GTF3C3: variants seen among roughly 807,000 people sequenced by gnomAD.
GTF3C3 encodes general transcription factor 3C polypeptide 3.
A neutral mutation model predicts 105.2 loss-of-function variants in GTF3C3; 75 were observed. The observed-to-expected ratio is 0.71, with a 90% CI of 0.59 to 0.86. The LOEUF (loss-of-function observed/expected upper bound fraction) is 0.86, where lower values mean the gene tolerates loss of function less well. GTF3C3 is among the 40% of genes least tolerant of loss of function. The probability of loss-of-function intolerance (pLI) is 0.00; values close to 1 mark genes in which losing one functional copy is unlikely to be tolerated. For missense variants in GTF3C3, 856 were observed against 1,076.5 expected (o/e 0.80, Z 2.87); for synonymous variants, 335 against 370.4 (o/e 0.90, Z 1.10).
chr2:196,792,862 C>T, intron 3 of GTF3C3, 94 bp downstream of exon 3: 1 of 761,020 alleles, frequency 1.3e-6, no homozygotes, highest in Non-Finnish European at 2.3e-6. Flanking sequence ...TCCTTTCGTA[C>T]AGTTTGAATT....
chr2:196,796,134 A>G (rs1699639174), intron 2 of GTF3C3, among the ~76,000 whole-genome samples: 1 of 152,212 alleles, frequency 6.6e-6, no homozygotes, highest in African/African-American at 2.4e-5. Flanking sequence ...CTTGTTCAAA[A>G]CTGACCCCTT....
intron 16 of GTF3C3, chr2:196,767,111 G>A (rs1699081526): frequency 6.5e-6 from 1 of 153,780 alleles, no homozygotes; most frequent in Admixed American, 6.5e-5. Flanking sequence ...ATGTACAAAG[G>A]TTTCCTCTCA....
chr2:196,790,634 G>A (rs887675414), intron 4 of GTF3C3, among the ~76,000 whole-genome samples: 2 of 152,100 alleles, frequency 1.3e-5, no homozygotes, highest in Admixed American at 1.3e-4. Flanking sequence ...AAATAATATT[G>A]GAAAGTAGGA....
intron 8 of GTF3C3, among the ~76,000 whole-genome samples, chr2:196,784,604 A>G (rs922617850): frequency 6.6e-6 from 1 of 152,200 alleles, no homozygotes; most frequent in Non-Finnish European, 1.5e-5. Flanking sequence ...AAAGGAATGA[A>G]AAAGACTGTC....
Position 196,776,799 on chromosome 2 carries a change from TAATA to T in GTF3C3, c.1391-174_1391-171del, listed in dbSNP as rs1029676016. Among the ~76,000 whole-genome samples the T allele has an allele frequency of 6.6e-6, 1 of 152,242 alleles. No individual in the cohort carries two copies. Among genetic ancestry groups the T allele is most frequent in the Admixed American group, 6.5e-5 (1 of 15,288 alleles). On this transcript the variant is annotated intron_variant, in intron 10 of 17. Coordinates refer to ENST00000263956, the MANE Select transcript of GTF3C3 (RefSeq NM_012086.5). The surrounding 1 kb of genome is among the most constrained non-coding windows in gnomAD (Gnocchi z 4.5). ...CCTAATCTCTATTAATCAATCGATC[TAATA>T]AATTTAAATTGCTAAGGAGTAATCA... is the stretch of plus-strand genomic sequence containing the variant.
rs1199449341 is a variant in GTF3C3, at chr2:196,772,991, C to T, written c.1994G>A (p.Arg665His). ...YYSFYDDRQK[R>H]KELEYFGLSA... is the part of the protein sequence containing the mutation. The stretch of plus-strand genomic sequence containing the variant: ...CAGACCAAAGTATTCTAGTTCTTTG[C>T]GTTTTTGCCTGTCATCATAAAATGA... Residue 665 changes from arginine (R) to histidine (H), a missense_variant, in exon 14 of 18, where the codon CGC becomes CAC. Arg to His is a conservative substitution (Grantham distance 29). Transcript: ENST00000263956. The T allele has an allele frequency of 5.6e-6, 9 of 1,610,454 alleles. No individual in the cohort carries two copies. The highest frequency in any genetic ancestry group is 1.7e-5 in the Admixed American group (1 of 59,252).
chr2:196,781,355 AAAATATAT>A (rs1318229313), intron 8 of GTF3C3, among the ~76,000 whole-genome samples: 6 of 31,186 alleles, frequency 1.9e-4, no homozygotes, highest in South Asian at 1.5e-3. Context: ...AAAAAAAAAA[AAAATATAT>A]ATATATATAT....
At chr2:196,795,876 T>C (rs1005241579) in intron 2 of GTF3C3, among the ~76,000 whole-genome samples, 6 of 152,186 alleles carry the variant, frequency 3.9e-5, no homozygotes, top group Non-Finnish European at 2.9e-5. Context: ...ATTATATACA[T>C]AGAAGACCCA....
chr2:196,780,364 ATTACTGTAAGCCCAATTGC>A, intron 9 of GTF3C3, 176 bp downstream of exon 9: 1 of 1,214,948 alleles, frequency 8.2e-7, no homozygotes, highest in South Asian at 3.1e-5. Context: ...AGAAAAATAA[ATTACTGTAAGCCCAATTGC>A]AAAACAATTT....
Position 196,778,975 on chromosome 2 carries a change from A to G in GTF3C3, c.1311T>C (p.Tyr437=), listed in dbSNP as rs1699301021. ...VAEAFLDVGE[Y]NSALPLLSAL... is the part of the protein sequence containing the mutation. ...CACTGAGGAGGGGAAGTGCAGAATTATATTCACCAACATCCAGAAAAGCTT... is the reference window on the plus strand; with the variant it reads ...CACTGAGGAGGGGAAGTGCAGAATTGTATTCACCAACATCCAGAAAAGCTT... Residue 437 remains tyrosine, a synonymous_variant, in exon 10 of 18, where the codon TAT becomes TAC. Coordinates refer to ENST00000263956, the MANE Select transcript of GTF3C3 (RefSeq NM_012086.5). 1 of 1,613,778 alleles carries G rather than the reference A, an allele frequency of 6.2e-7. No individual in the cohort carries two copies. Among genetic ancestry groups the G allele is most frequent in the Admixed American group, 1.7e-5 (1 of 59,984 alleles).
intron 8 of GTF3C3, among the ~76,000 whole-genome samples, chr2:196,782,398 C>G (rs529363270): frequency 6.6e-6 from 1 of 152,180 alleles, no homozygotes; most frequent in South Asian, 2.1e-4. Flanking sequence ...AATATATCTA[C>G]GTGTTTTAAC....
chr2:196,766,490 T>G, intron 17 of GTF3C3, 75 bp downstream of exon 17: 1 of 1,076,872 alleles, frequency 9.3e-7, no homozygotes, highest in Non-Finnish European at 1.4e-6. Flanking sequence ...TATAATTTAC[T>G]GGCTGGACTT....
chr2:196,796,104 C>T (rs767092545), intron 2 of GTF3C3, among the ~76,000 whole-genome samples: 5 of 152,186 alleles, frequency 3.3e-5, no homozygotes, highest in African/African-American at 9.7e-5. Context: ...CCATATATTT[C>T]AATTAGCTGA....
chr2:196,765,753 G>A (rs915773240), intron 17 of GTF3C3, among the ~76,000 whole-genome samples: 5 of 152,024 alleles, frequency 3.3e-5, no homozygotes, highest in Non-Finnish European at 5.9e-5. Flanking sequence ...GCTCACGCCT[G>A]TAATCCCAGC....
chr2:196,771,736 C>T lies in GTF3C3; in HGVS notation c.2260+12G>A. ...ATTTATGCTTGACAAAGTCACGTGC[C>T]AGGACACTTACCAAGCGCATGCTTA... On this transcript the variant is annotated intron_variant, in intron 15 of 17. Coordinates refer to ENST00000263956, the MANE Select transcript of GTF3C3 (RefSeq NM_012086.5). The T allele has an allele frequency of 6.3e-7, 1 of 1,585,784 alleles. No homozygotes were observed. The highest frequency in any genetic ancestry group is 8.7e-7 in the Non-Finnish European group (1 of 1,154,194).
Position 196,784,854 on chromosome 2 carries a change from A to G in GTF3C3, c.1114+3T>C. 6.2e-7 allele frequency: 1 copy of G among 1,606,560 alleles called. No individual in the cohort carries two copies. Among genetic ancestry groups the G allele is most frequent in the Non-Finnish European group, 8.5e-7 (1 of 1,177,150 alleles). ...CACTTTCCTAAGCAGAGGAAACTACAACCTTTATTCTCTTCTGAGGTGCCT... is the reference window on the plus strand; with the variant it reads ...CACTTTCCTAAGCAGAGGAAACTACGACCTTTATTCTCTTCTGAGGTGCCT... On this transcript the variant is annotated splice_donor_region_variant and intron_variant, in intron 8 of 17. Coordinates refer to ENST00000263956, the MANE Select transcript of GTF3C3 (RefSeq NM_012086.5).
chr2:196,789,252 G>A lies in GTF3C3; in HGVS notation c.845C>T (p.Ser282Phe). 1 of 1,613,366 alleles carries A rather than the reference G, an allele frequency of 6.2e-7. No individual in the cohort carries two copies. Among genetic ancestry groups the A allele is most frequent in the Non-Finnish European group, 8.5e-7 (1 of 1,179,746 alleles). ...DGYRRILNLL[S>F]PSDGERFMQL... ...CATAAAACGTTCGCCATCAGATGGA[G>A]ACAAAAGGTTTAAAATACGCCTATA... The change falls in exon 6 of 18, where the codon TCT (serine) becomes TTT (phenylalanine). Residue 282 changes from serine (S) to phenylalanine (F), a missense_variant. By Grantham distance (155) the Ser-to-Phe change is radical (BLOSUM62 -2). Coordinates refer to ENST00000263956, the MANE Select transcript of GTF3C3 (RefSeq NM_012086.5).
intron 12 of GTF3C3, 47 bp downstream of exon 12, chr2:196,775,963 C>A (rs1445980332): frequency 1.2e-6 from 1 of 823,278 alleles, no homozygotes; most frequent in Non-Finnish European, 1.9e-6. Flanking sequence ...AAATACTAAA[C>A]ATTTAAAAAG....
Position 196,776,216 on chromosome 2 carries a change from G to GGTTT in GTF3C3, c.1594-106_1594-105insAAAC. Reference sequence around the variant, plus strand: ...AAAAAAACAAACCATATTGCTTTATGGTCTTTCACAATAATTAAGAGCCAA... The same window carrying GGTTT: ...AAAAAAACAAACCATATTGCTTTATGGTTTGTCTTTCACAATAATTAAGAGCCAA... On this transcript the variant is annotated intron_variant, in intron 11 of 17. Transcript: ENST00000263956. This position sits in a 1 kb window ranked among gnomAD's most constrained non-coding sequence, Gnocchi z 4.5. 1.4e-6 allele frequency: 1 copy of GGTTT among 727,558 alleles called. No individual in the cohort carries two copies. The highest frequency in any genetic ancestry group is 2.3e-6 in the Non-Finnish European group (1 of 435,832). The allele number at this position is 727,558 out of a possible 1,614,324, so 45.1% of individuals were successfully genotyped here. A position where few individuals can be genotyped will look rare whatever the true frequency, so the allele number is the denominator to read the frequency against.
Sources: allele counts gnomAD v4.1 joint callset (sites outside exome capture counted in the v4.1 genomes callset), GRCh38; gene constraint gnomAD v4.1.1; non-coding constraint Gnocchi (gnomAD v3.1); transcripts MANE v1.5; gene names NCBI Gene and HGNC (gene_info 2026-07-23, HGNC 2026-07-21).